The following VPS13B variants were observed in gnomAD, a reference collection of about 807,000 sequenced individuals.
The protein encoded by VPS13B is intermembrane lipid transfer protein VPS13B.
Under a neutral mutation model 426.4 loss-of-function variants are expected in VPS13B, and 285 were observed. The observed-to-expected ratio is 0.67, with a 90% confidence interval of 0.61 to 0.74. The LOEUF is 0.74. VPS13B is among the 30% of genes least tolerant of loss of function. The pLI is 0.00. For synonymous variants in VPS13B, 1,676 were observed against 1,676.4 expected (o/e 1.00, Z 0.01); for missense variants, 4,537 against 4,782.6 (o/e 0.95, Z 1.51).
chr8:99,430,597 GAACA>G (rs555171723), intron 21 of VPS13B, among the ~76,000 whole-genome samples: 228 of 151,622 alleles, frequency 1.5e-3, no homozygotes, highest in African/African-American at 5.1e-3. Context: ...TTACTTGGAA[GAACA>G]AAATTTTAAA....
chr8:99,784,508 T>C lies in VPS13B; in HGVS notation c.7941+32T>C, dbSNP rs1417530782. ...GAGAAACACCCTTACAAACAGCCAT[T>C]GTTAAGGTTGGGGATTCATTTCTTC... On this transcript the variant is annotated intron_variant, in intron 43 of 61. Coordinates refer to ENST00000357162, the MANE Select transcript of VPS13B (RefSeq NM_152564.5). The C allele has an allele frequency of 2.5e-6, 4 of 1,612,942 alleles. No individual in the cohort carries two copies. In the East Asian group the frequency reaches 8.9e-5, roughly 36 times the overall value.
intron 3 of VPS13B, among the ~76,000 whole-genome samples, chr8:99,076,744 A>G (rs970148283): frequency 1.3e-5 from 2 of 149,760 alleles, no homozygotes; most frequent in African/African-American, 4.9e-5. Flanking sequence ...GTCTATGTGT[A>G]TTTACAGTTA....
chr8:99,276,851 C>G (rs1460770503), intron 19 of VPS13B, among the ~76,000 whole-genome samples: 1 of 151,952 alleles, frequency 6.6e-6, no homozygotes, highest in African/African-American at 2.4e-5. Context: ...AATTTTGATA[C>G]CTAAGAAGAG....
chr8:99,205,663 G>A (rs1458366300), intron 17 of VPS13B, among the ~76,000 whole-genome samples: 1 of 152,090 alleles, frequency 6.6e-6, no homozygotes, highest in Non-Finnish European at 1.5e-5. Flanking sequence ...AGATTGATAT[G>A]TCTCATTTAT....
intron 17 of VPS13B, among the ~76,000 whole-genome samples, chr8:99,256,627 G>A (rs1817758370): frequency 6.6e-6 from 1 of 151,918 alleles, no homozygotes; most frequent in African/African-American, 2.4e-5. Context: ...GTTTTGATTT[G>A]CATTTTCTTA....
chr8:99,838,963 T>C (rs1418847976), intron 54 of VPS13B, among the ~76,000 whole-genome samples: 1 of 152,064 alleles, frequency 6.6e-6, no homozygotes, highest in African/African-American at 2.4e-5. Context: ...TGACAGAGGG[T>C]CGGAGAGAGG....
At chr8:99,852,290 T>C (rs1175199187) in intron 55 of VPS13B, among the ~76,000 whole-genome samples, 1 of 152,190 alleles carries the variant, frequency 6.6e-6, no homozygotes, top group East Asian at 1.9e-4. Flanking sequence ...ATACACAAGA[T>C]TGGAGTTCAG....
chr8:99,671,655 T>C (rs1340052435), intron 35 of VPS13B, among the ~76,000 whole-genome samples: 1 of 152,092 alleles, frequency 6.6e-6, no homozygotes, highest in African/African-American at 2.4e-5. Flanking sequence ...GGTTTGTTTG[T>C]TTGTGTTTTT....
intron 39 of VPS13B, among the ~76,000 whole-genome samples, chr8:99,760,787 C>T (rs1226748338): frequency 1.3e-5 from 2 of 152,146 alleles, no homozygotes; most frequent in Admixed American, 6.5e-5. Flanking sequence ...GAAAATTGTG[C>T]TTCTACTGCA....
chr8:99,644,241 G>A (rs1049599364), intron 34 of VPS13B, among the ~76,000 whole-genome samples: 6 of 152,126 alleles, frequency 3.9e-5, no homozygotes, highest in Non-Finnish European at 8.8e-5. Context: ...TTGTTAAACT[G>A]AGGCAAGCCA....
rs901246313 is a variant in VPS13B, at chr8:99,728,402, G to T, written c.7050+7355G>T. The stretch of plus-strand genomic sequence containing the variant: ...GTTATGAGGAGTGGGGATAATGTGT[G>T]TGGAGCATTTAGCGTAATGCCTTAC... On this transcript the variant is annotated intron_variant, in intron 39 of 61. Coordinates refer to ENST00000357162, the MANE Select transcript of VPS13B (RefSeq NM_152564.5). Among the ~76,000 whole-genome samples the T allele has an allele frequency of 6.6e-5, 10 of 152,196 alleles. No individual in the cohort carries two copies. In the East Asian group the frequency reaches 1.3e-3, roughly 20 times the overall value.
At chr8:99,168,523 AT>A (rs1812145064) in intron 15 of VPS13B, among the ~76,000 whole-genome samples, 1 of 152,102 alleles carries the variant, frequency 6.6e-6, no homozygotes, top group Non-Finnish European at 1.5e-5. Context: ...TGTTTTAAAA[AT>A]GTTTTGTATT....
intron 17 of VPS13B, among the ~76,000 whole-genome samples, chr8:99,238,699 AAG>A (rs1288855563): frequency 6.6e-6 from 1 of 152,316 alleles, no homozygotes; most frequent in East Asian, 1.9e-4. Flanking sequence ...TTTAAGCACT[AAG>A]AGAAAAACTG....
chr8:99,507,256 T>A (rs965576881), intron 28 of VPS13B, 53 bp downstream of exon 28: 2 of 1,560,230 alleles, frequency 1.3e-6, no homozygotes, highest in Non-Finnish European at 1.8e-6. Context: ...AAACTGTTTA[T>A]CTTGTTATTT....
At chr8:99,710,277 A>C (rs1832658592) in intron 36 of VPS13B, among the ~76,000 whole-genome samples, 1 of 152,190 alleles carries the variant, frequency 6.6e-6, no homozygotes, top group African/African-American at 2.4e-5. Flanking sequence ...CATTGTTAAG[A>C]AGGTAGCTCT....
chr8:99,629,835 A>C (rs533376939), intron 33 of VPS13B, among the ~76,000 whole-genome samples: 42 of 152,304 alleles, frequency 2.8e-4, no homozygotes, highest in Non-Finnish European at 5.0e-4. Context: ...TCAGGTTCCC[A>C]TAATTGTCAT....
intron 55 of VPS13B, among the ~76,000 whole-genome samples, chr8:99,852,148 A>T (rs1443507948): frequency 5.3e-5 from 8 of 152,206 alleles, no homozygotes; most frequent in Admixed American, 5.2e-4. Flanking sequence ...AACTGGTAGG[A>T]TATGGCTGCC....
In VPS13B at chr8:99,876,140, A is replaced by G. The variant is rs994490843; in HGVS notation, c.*474A>G. 1.4e-4 allele frequency: 24 copies of G among 173,536 alleles called. No homozygotes were observed. Among genetic ancestry groups the G allele is most frequent in the Admixed American group, 9.8e-4 (18 of 18,346 alleles). The allele number at this position is 173,536 out of a possible 1,614,324, so 10.7% of individuals were successfully genotyped here. A position where few individuals can be genotyped will look rare whatever the true frequency, so the allele number is the denominator to read the frequency against. ...ATCATAGAATGTGGCCAGGCCTTAC[A>G]ATGGAGAGCCAGAGTTAAAACTTCA... On this transcript the variant is annotated 3_prime_UTR_variant, in exon 62 of 62. Transcript: ENST00000357162.
chr8:99,283,775 T>G (rs1160487016), intron 19 of VPS13B, among the ~76,000 whole-genome samples: 1 of 152,232 alleles, frequency 6.6e-6, no homozygotes, highest in Non-Finnish European at 1.5e-5. Flanking sequence ...AAAGTAAGTT[T>G]ACTGATTTCT....
Sources: gnomAD v4.1 joint callset for allele counts (sites outside exome capture counted in the v4.1 genomes callset) on GRCh38, gnomAD v4.1.1 for gene constraint, MANE v1.5 for transcripts, NCBI Gene and HGNC (gene_info 2026-07-23, HGNC 2026-07-21) for gene names.